Variants in FAT3 observed in about 807,000 individuals in gnomAD.
FAT3 encodes the protein FAT atypical cadherin 3, also known as protocadherin Fat 3.
Under a neutral mutation model 310.2 loss-of-function variants are expected in FAT3, and 95 were observed. The observed-to-expected ratio is 0.31, with a 90% CI of 0.26 to 0.36. The LOEUF (loss-of-function observed/expected upper bound fraction) is 0.36, where lower values mean the gene tolerates loss of function less well. FAT3 is among the 10% of genes least tolerant of loss of function. The pLI is 1.00. For missense variants in FAT3, 5,408 were observed against 5,715.6 expected (o/e 0.95, Z 1.74); for synonymous variants, 2,314 against 2,192.9 (o/e 1.06, Z -1.54).
chr11:92,557,435 G>A lies in FAT3; in HGVS notation c.3607+32487G>A, dbSNP rs1057502715. On this transcript the variant is annotated intron_variant, in intron 3 of 27. Coordinates refer to ENST00000525166, the MANE Select transcript of FAT3 (RefSeq NM_001367949.2). ...GGAGCTGTTCAGATTACTTACCTTA[G>A]ACTGACAAGATTTCGTGGTGCAGTG... 3.3e-5 allele frequency among the ~76,000 whole-genome samples: 5 copies of A among 152,128 alleles called. No individual in the cohort carries two copies. The South Asian group carries it at 1.0e-3, about 31-fold the overall frequency.
chr11:92,448,167 GTAAAT>G (rs1176917019), intron 2 of FAT3, among the ~76,000 whole-genome samples: 1 of 152,070 alleles, frequency 6.6e-6, no homozygotes, highest in Non-Finnish European at 1.5e-5. Context: ...TGAAGATTGA[GTAAAT>G]TAATTTATGA....
At chr11:92,621,661 A>C (rs1254274079) in intron 3 of FAT3, among the ~76,000 whole-genome samples, 1 of 152,130 alleles carries the variant, frequency 6.6e-6, no homozygotes, top group Non-Finnish European at 1.5e-5. Context: ...TTGTTCTTCT[A>C]CTTGTTATTT....
intron 4 of FAT3, among the ~76,000 whole-genome samples, chr11:92,749,455 C>A (rs1004412746): frequency 1.3e-5 from 2 of 152,188 alleles, no homozygotes; most frequent in Non-Finnish European, 2.9e-5. Context: ...GTACATCTGT[C>A]TGGACCTCAG....
At chr11:92,868,664 T>C (rs1395535931) in intron 22 of FAT3, among the ~76,000 whole-genome samples, 1 of 152,204 alleles carries the variant, frequency 6.6e-6, no homozygotes, top group Admixed American at 6.5e-5. Context: ...CTTTTAACGA[T>C]GGCAGGACGT....
chr11:92,700,321 AG>A (rs1026274936), intron 4 of FAT3, among the ~76,000 whole-genome samples: 1 of 152,156 alleles, frequency 6.6e-6, no homozygotes, highest in Non-Finnish European at 1.5e-5. Context: ...AGGCAAACAG[AG>A]GGGACTATGG....
chr11:92,754,914 C>T lies in FAT3; in HGVS notation c.3670-6942C>T, dbSNP rs142511719. On this transcript the variant is annotated intron_variant, in intron 4 of 27. Coordinates refer to ENST00000525166, the MANE Select transcript of FAT3 (RefSeq NM_001367949.2). ...AAGGAAATCCTGTCATTTGTGACAACATGGAAACGTGGATATACTTGAAGA... is the reference window on the plus strand; with the variant it reads ...AAGGAAATCCTGTCATTTGTGACAATATGGAAACGTGGATATACTTGAAGA... Among the ~76,000 whole-genome samples the T allele has an allele frequency of 8.0e-4, 122 of 151,930 alleles. 4 individuals carry two copies. Among genetic ancestry groups the T allele is most frequent in the East Asian group, 3.9e-3 (20 of 5,154 alleles).
chr11:92,478,658 C>T (rs1226420889), intron 2 of FAT3, among the ~76,000 whole-genome samples: 2 of 152,132 alleles, frequency 1.3e-5, no homozygotes, highest in Non-Finnish European at 1.5e-5. Context: ...GCTCTGTCCC[C>T]GAGGCTAGAG....
At chr11:92,306,858 A>G (rs913417448) in intron 1 of FAT3, among the ~76,000 whole-genome samples, 1 of 146,528 alleles carries the variant, frequency 6.8e-6, no homozygotes, top group African/African-American at 2.5e-5. Flanking sequence ...TGGTGTGATC[A>G]TAGCTCACTG....
intron 1 of FAT3, among the ~76,000 whole-genome samples, chr11:92,335,765 A>T (rs777247778): frequency 2.4e-4 from 36 of 152,342 alleles, no homozygotes; most frequent in South Asian, 6.2e-4. Flanking sequence ...TGTCACATCA[A>T]TTATGAACAT....
chr11:92,723,854 C>G (rs1944928768), intron 4 of FAT3, among the ~76,000 whole-genome samples: 1 of 152,138 alleles, frequency 6.6e-6, no homozygotes, highest in African/African-American at 2.4e-5. Flanking sequence ...AAGTACCTCC[C>G]ACCAGGTCCC....
chr11:92,791,584 A>T (rs1947041098), intron 8 of FAT3, among the ~76,000 whole-genome samples: 1 of 152,170 alleles, frequency 6.6e-6, no homozygotes, highest in African/African-American at 2.4e-5. Flanking sequence ...ATTTACAGCA[A>T]ACAAGTGCTT....
chr11:92,579,671 C>T (rs567709462), intron 3 of FAT3, among the ~76,000 whole-genome samples: 1 of 152,108 alleles, frequency 6.6e-6, no homozygotes, highest in South Asian at 2.1e-4. Context: ...GGCTCATGTT[C>T]CACTTTAAAG....
chr11:92,227,753 T>G (rs1263876104), intron 1 of FAT3, among the ~76,000 whole-genome samples: 1 of 17,960 alleles, frequency 5.6e-5, no homozygotes, highest in Non-Finnish European at 1.6e-4. Flanking sequence ...TTTCTTCTTC[T>G]TTTTTTTTTT....
intron 4 of FAT3, among the ~76,000 whole-genome samples, chr11:92,738,374 G>C (rs899622683): frequency 2.6e-5 from 4 of 152,170 alleles, no homozygotes; most frequent in African/African-American, 9.7e-5. Context: ...ATCCCACTGG[G>C]AATTTTTAGC....
intron 19 of FAT3, among the ~76,000 whole-genome samples, chr11:92,856,474 C>T (rs543356453): frequency 5.5e-4 from 84 of 152,316 alleles, no homozygotes; most frequent in African/African-American, 1.9e-3. Flanking sequence ...AAATAACTCA[C>T]TTGGGTCCTG....
chr11:92,858,570 A>T (rs183282950), intron 20 of FAT3, among the ~76,000 whole-genome samples: 1 of 152,356 alleles, frequency 6.6e-6, no homozygotes, highest in Non-Finnish European at 1.5e-5. Context: ...GTAAACTCAG[A>T]ATTGAGCAAT....
intron 3 of FAT3, among the ~76,000 whole-genome samples, chr11:92,551,653 G>A (rs1591438455): frequency 1.3e-5 from 2 of 151,934 alleles, no homozygotes; most frequent in South Asian, 4.2e-4. Flanking sequence ...GCTGTACTTG[G>A]TTATGTTATT....
At chr11:92,719,972 C>G (rs571886913) in intron 4 of FAT3, among the ~76,000 whole-genome samples, 37 of 152,148 alleles carry the variant, frequency 2.4e-4, no homozygotes, top group African/African-American at 8.4e-4. Context: ...TGTTCTTTAC[C>G]TTTATGTCTC....
chr11:92,799,390 A>G lies in FAT3; in HGVS notation c.6377A>G (p.Asp2126Gly). ...NGEVTYVLQD[D>G]YGHFEINPNS... ...GAAGTGACCTATGTCCTGCAGGATGACTATGGCCACTTTGAAATTAACCCT... is the reference window on the plus strand; with the variant it reads ...GAAGTGACCTATGTCCTGCAGGATGGCTATGGCCACTTTGAAATTAACCCT... The change falls in exon 10 of 28, where the codon GAC (aspartate) becomes GGC (glycine). Residue 2126 changes from aspartate (D) to glycine (G), a missense_variant. Coordinates refer to ENST00000525166, the MANE Select transcript of FAT3 (RefSeq NM_001367949.2). 6.2e-7 allele frequency: 1 copy of G among 1,613,754 alleles called. No individual in the cohort carries two copies. The highest frequency in any genetic ancestry group is 1.1e-5 in the South Asian group (1 of 91,032).
Sources: allele counts gnomAD v4.1 joint callset (sites outside exome capture counted in the v4.1 genomes callset), GRCh38; gene constraint gnomAD v4.1.1; transcripts MANE v1.5; gene names NCBI Gene and HGNC (gene_info 2026-07-23, HGNC 2026-07-21).